Variants in GPM6A observed in about 807,000 individuals in gnomAD.
GPM6A encodes neuronal membrane glycoprotein M6-a.
A neutral mutation model predicts 32.1 loss-of-function variants in GPM6A; 7 were observed. The ratio of observed to expected loss-of-function variants is 0.22; its 90% CI spans 0.12 to 0.41. The LOEUF (loss-of-function observed/expected upper bound fraction) is 0.41. Ranked by LOEUF, GPM6A falls within the 10% of genes least tolerant of loss-of-function variation. The probability of loss-of-function intolerance (pLI) is 1.00; values close to 1 mark genes in which losing one functional copy is unlikely to be tolerated. For missense variants in GPM6A, 235 were observed against 347.2 expected, an observed-to-expected ratio of 0.68 and a Z score of 2.57; for synonymous variants, 130 against 123.4, an observed-to-expected ratio of 1.05 and a Z score of -0.35.
At chr4:175,985,075 T>A (rs1740934386) in intron 1 of GPM6A, among the ~76,000 whole-genome samples, 1 of 152,212 alleles carries the variant, frequency 6.6e-6, no homozygotes, top group Non-Finnish European at 1.5e-5. Context: ...TTATGTCAAT[T>A]TATAGAACAT....
chr4:175,674,774 C>T (rs1743271678), intron 2 of GPM6A, among the ~76,000 whole-genome samples: 1 of 151,972 alleles, frequency 6.6e-6, no homozygotes, highest in Non-Finnish European at 1.5e-5. Context: ...GACAATGAAG[C>T]CATTTAGGTA....
At chr4:175,909,240 G>A (rs1738238326) in intron 1 of GPM6A, among the ~76,000 whole-genome samples, 1 of 139,548 alleles carries the variant, frequency 7.2e-6, no homozygotes, top group African/African-American at 2.6e-5. Flanking sequence ...ACTGAAAAAG[G>A]CAAATTTAGC....
intron 1 of GPM6A, among the ~76,000 whole-genome samples, chr4:175,857,417 A>G (rs1444927794): frequency 6.6e-6 from 1 of 152,194 alleles, no homozygotes; most frequent in South Asian, 2.1e-4. Flanking sequence ...AAATATATAA[A>G]CATTAAAATA....
At chr4:175,701,336 C>A (rs1304132775) in intron 2 of GPM6A, among the ~76,000 whole-genome samples, 2 of 152,178 alleles carry the variant, frequency 1.3e-5, no homozygotes, top group East Asian at 1.9e-4. Context: ...TCGAATACAA[C>A]TTTACATTTA....
chr4:175,757,108 A>G (rs1732558125), intron 1 of GPM6A, among the ~76,000 whole-genome samples: 1 of 152,046 alleles, frequency 6.6e-6, no homozygotes, highest in Non-Finnish European at 1.5e-5. Context: ...TGTGTGACCA[A>G]TTGGATGTGA....
At chr4:175,892,318 C>T (rs1737673298) in intron 1 of GPM6A, among the ~76,000 whole-genome samples, 1 of 152,136 alleles carries the variant, frequency 6.6e-6, no homozygotes, top group South Asian at 2.1e-4. Flanking sequence ...CAATCTGCTA[C>T]TTATTGTTCC....
chr4:175,926,068 T>C (rs1398147572), intron 1 of GPM6A, among the ~76,000 whole-genome samples: 1 of 152,084 alleles, frequency 6.6e-6, no homozygotes, highest in East Asian at 1.9e-4. Flanking sequence ...GCCAGGCTGG[T>C]CTCAAACTCC....
chr4:175,707,195 A>G (rs1745242035), intron 1 of GPM6A, among the ~76,000 whole-genome samples: 1 of 152,248 alleles, frequency 6.6e-6, no homozygotes, highest in African/African-American at 2.4e-5. Context: ...TTACTTTCTT[A>G]ATAAACTTCC....
intron 1 of GPM6A, among the ~76,000 whole-genome samples, chr4:175,880,839 A>G (rs567783207): frequency 3.9e-5 from 6 of 152,242 alleles, no homozygotes; most frequent in African/African-American, 1.4e-4. Context: ...AAACAGGGAC[A>G]ATTTGACTTC....
intron 4 of GPM6A, among the ~76,000 whole-genome samples, chr4:175,644,219 GTTCACGCCA>G (rs1302414742): frequency 6.6e-6 from 1 of 150,806 alleles, no homozygotes; most frequent in Non-Finnish European, 1.5e-5. Flanking sequence ...CGCTTCCCGG[GTTCACGCCA>G]TTCTCCTGCC....
At chr4:175,644,307 T>C (rs1741330202) in intron 4 of GPM6A, among the ~76,000 whole-genome samples, 1 of 151,916 alleles carries the variant, frequency 6.6e-6, no homozygotes, top group South Asian at 2.1e-4. Context: ...TATCTTACTC[T>C]GCCTTATGCC....
At position 175,944,853 on chromosome 4, in the gene GPM6A, C is replaced by T. The variant is rs537152027; in HGVS notation, c.-23+57456G>A. 7.2e-5 allele frequency among the ~76,000 whole-genome samples: 11 copies of T among 151,982 alleles called. No individual in the cohort carries two copies. The East Asian group carries it at 2.1e-3, about 29-fold the overall frequency. ...TATTCCTAATAATGCGTTTTGTAGGCTTTACCGACTGCAGTCTTCAACAGA... is the reference window on the plus strand; with the variant it reads ...TATTCCTAATAATGCGTTTTGTAGGTTTTACCGACTGCAGTCTTCAACAGA... On this transcript the variant is annotated intron_variant, in intron 1 of 7. Coordinates refer to the GPM6A transcript ENST00000280187.
intron 1 of GPM6A, among the ~76,000 whole-genome samples, chr4:175,930,396 A>G (rs1004621259): frequency 6.1e-5 from 9 of 147,872 alleles, no homozygotes; most frequent in Non-Finnish European, 1.2e-4. Flanking sequence ...CTTAAAAAAA[A>G]AATCTTTAGA....
At chr4:175,832,280 A>T (rs991096377) in intron 1 of GPM6A, among the ~76,000 whole-genome samples, 4 of 152,240 alleles carry the variant, frequency 2.6e-5, no homozygotes, top group Admixed American at 6.5e-5. Context: ...TTGATTTTTC[A>T]AAAGTGTTTG....
chr4:175,962,206 G>A, intron 1 of GPM6A: 1 of 1,265,876 alleles, frequency 7.9e-7, no homozygotes, highest in East Asian at 2.3e-5. Flanking sequence ...GAGTATTGGA[G>A]TCAGTTCATG....
At chr4:175,945,651 A>G (rs1197849717) in intron 1 of GPM6A, among the ~76,000 whole-genome samples, 1 of 148,626 alleles carries the variant, frequency 6.7e-6, no homozygotes, top group Non-Finnish European at 1.5e-5. Flanking sequence ...ATAACTTATA[A>G]GTAATATAAG....
At chr4:175,733,490 A>G (rs1731521848) in intron 1 of GPM6A, among the ~76,000 whole-genome samples, 1 of 152,178 alleles carries the variant, frequency 6.6e-6, no homozygotes, top group African/African-American at 2.4e-5. Context: ...GTGACAGAGC[A>G]AGACGCTGTC....
chr4:175,899,661 T>C (rs571225205), intron 1 of GPM6A, among the ~76,000 whole-genome samples: 1 of 152,198 alleles, frequency 6.6e-6, no homozygotes, highest in Non-Finnish European at 1.5e-5. Flanking sequence ...CAAAATTGGA[T>C]ATGCGTATGC....
intron 1 of GPM6A, chr4:175,970,991 G>A (rs1740485192): frequency 1.4e-5 from 6 of 420,882 alleles, no homozygotes; most frequent in Non-Finnish European, 2.8e-5. Context: ...CGCTCCTGGG[G>A]AATTCAGTGA....
Sources: gnomAD v4.1 joint callset for allele counts (sites outside exome capture counted in the v4.1 genomes callset) on GRCh38, gnomAD v4.1.1 for gene constraint, MANE v1.5 for transcripts, NCBI Gene and HGNC (gene_info 2026-07-23, HGNC 2026-07-21) for gene names.